The following DACH1 variants were observed in gnomAD, a reference collection of about 807,000 sequenced individuals.
DACH1 encodes dachshund family transcription factor 1, also known as dachshund homolog 1.
In DACH1, 12 loss-of-function variants were observed where a neutral mutation model predicts 54.2. The observed-to-expected ratio is 0.22, with a 90% CI of 0.14 to 0.36. DACH1 has a LOEUF of 0.36. DACH1 is among the 10% of genes least tolerant of loss of function. The pLI, the probability that DACH1 is intolerant of heterozygous loss-of-function variation, is 1.00. For missense variants in DACH1, 805 were observed against 929.8 expected, an observed-to-expected ratio of 0.87 and a Z score of 1.75; for synonymous variants, 386 against 366.2, an observed-to-expected ratio of 1.05 and a Z score of -0.62.
intron 4 of DACH1, among the ~76,000 whole-genome samples, chr13:71,569,237 T>C (rs906996948): frequency 6.6e-6 from 1 of 152,122 alleles, no homozygotes; most frequent in African/African-American, 2.4e-5. Flanking sequence ...CAGTTTTCCA[T>C]AGTCTGAGAT....
chr13:71,590,526 C>T (rs1186197442), intron 3 of DACH1, among the ~76,000 whole-genome samples: 3 of 152,134 alleles, frequency 2.0e-5, no homozygotes, highest in Non-Finnish European at 2.9e-5. Context: ...ATTTGTTATA[C>T]AGTTTGAATG....
chr13:71,762,365 T>A (rs1407310077), intron 1 of DACH1, among the ~76,000 whole-genome samples: 3 of 152,236 alleles, frequency 2.0e-5, no homozygotes, highest in African/African-American at 7.2e-5. Flanking sequence ...CATGTTGGAT[T>A]TACTCTACAA....
intron 1 of DACH1, among the ~76,000 whole-genome samples, chr13:71,724,385 G>A (rs1240022103): frequency 6.6e-6 from 1 of 151,964 alleles, no homozygotes; most frequent in African/African-American, 2.4e-5. Flanking sequence ...ATAATTTACT[G>A]AATGAATAAA....
At chr13:71,687,102 C>T (rs981561451) in intron 1 of DACH1, among the ~76,000 whole-genome samples, 4 of 152,104 alleles carry the variant, frequency 2.6e-5, no homozygotes, top group African/African-American at 9.7e-5. Flanking sequence ...GTTCATTGGC[C>T]CTCTCCGATC....
rs1873938015 is a variant in DACH1 at position 71,440,699 on chromosome 13, A to G, written c.2084-7T>C. On this transcript the variant is annotated splice_region_variant and splice_polypyrimidine_tract_variant and intron_variant, in intron 10 of 10. Coordinates refer to ENST00000613252, the MANE Select transcript of DACH1 (RefSeq NM_080759.6). Reference sequence around the variant, plus strand: ...TTCAAATACAGTCTTCCATCTAGAAATGAACAGTGAAAAATTAATTAATGG... The same window carrying G: ...TTCAAATACAGTCTTCCATCTAGAAGTGAACAGTGAAAAATTAATTAATGG... The G allele has an allele frequency of 1.3e-6, 2 of 1,597,962 alleles. No homozygotes were observed. The highest frequency in any genetic ancestry group is 4.5e-5 in the East Asian group (2 of 44,180).
intron 3 of DACH1, among the ~76,000 whole-genome samples, chr13:71,601,734 CTAAAAG>C (rs1874510012): frequency 6.6e-6 from 1 of 151,828 alleles, no homozygotes; most frequent in South Asian, 2.1e-4. Context: ...AGTTTGTAGT[CTAAAAG>C]TAAAAGATGA....
At chr13:71,580,883 A>G (rs1233185286) in intron 3 of DACH1, among the ~76,000 whole-genome samples, 1 of 152,048 alleles carries the variant, frequency 6.6e-6, no homozygotes, top group Non-Finnish European at 1.5e-5. Context: ...TTTTTACCTC[A>G]GCTGCTGTAA....
At chr13:71,498,843 A>C (rs1347158957) in intron 6 of DACH1, among the ~76,000 whole-genome samples, 1 of 152,108 alleles carries the variant, frequency 6.6e-6, no homozygotes, top group Non-Finnish European at 1.5e-5. Context: ...TATTATGCTC[A>C]AAAAAGAATC....
intron 3 of DACH1, among the ~76,000 whole-genome samples, chr13:71,586,836 C>T (rs1412283810): frequency 6.6e-6 from 1 of 152,066 alleles, no homozygotes; most frequent in Non-Finnish European, 1.5e-5. Flanking sequence ...ATAGGTTTCT[C>T]ACATGTAAAA....
At chr13:71,458,355 A>T (rs1340209400) in intron 10 of DACH1, among the ~76,000 whole-genome samples, 2 of 151,942 alleles carry the variant, frequency 1.3e-5, no homozygotes, top group Admixed American at 6.6e-5. Flanking sequence ...AGACTTACAT[A>T]TCTTGACTTA....
chr13:71,820,942 A>G (rs1566522681), intron 1 of DACH1, among the ~76,000 whole-genome samples: 1 of 152,128 alleles, frequency 6.6e-6, no homozygotes, highest in Non-Finnish European at 1.5e-5. Context: ...AAAACAAAAA[A>G]CCCAAAGTAC....
chr13:71,830,614 A>G (rs1345097642), intron 1 of DACH1, among the ~76,000 whole-genome samples: 1 of 151,770 alleles, frequency 6.6e-6, no homozygotes, highest in Non-Finnish European at 1.5e-5. Flanking sequence ...TGTTTAACCG[A>G]CCAGTCTAAT....
chr13:71,762,768 CAAAAAAA>C (rs34543654), intron 1 of DACH1, among the ~76,000 whole-genome samples: 1 of 71,200 alleles, frequency 1.4e-5, no homozygotes. Context: ...AACTTTGTCT[CAAAAAAA>C]AAAAAAAAAA....
intron 3 of DACH1, among the ~76,000 whole-genome samples, chr13:71,575,763 T>C (rs9599860): frequency 3.3e-5 from 5 of 152,076 alleles, no homozygotes; most frequent in Non-Finnish European, 7.4e-5. Flanking sequence ...CTACATAGAA[T>C]GCTTCTAGCC....
chr13:71,564,647 TG>T (rs1194021191), intron 4 of DACH1, among the ~76,000 whole-genome samples: 2 of 152,064 alleles, frequency 1.3e-5, no homozygotes, highest in Non-Finnish European at 2.9e-5. Context: ...CAGTGTAAAA[TG>T]TTCAGTACTA....
intron 4 of DACH1, among the ~76,000 whole-genome samples, chr13:71,563,784 T>G (rs920259147): frequency 5.3e-5 from 8 of 151,588 alleles, no homozygotes; most frequent in African/African-American, 1.9e-4. Flanking sequence ...TTGCTTTAAT[T>G]GTAGTTTTGT....
chr13:71,836,368 G>C (rs1888783813), intron 1 of DACH1, among the ~76,000 whole-genome samples: 1 of 151,904 alleles, frequency 6.6e-6, no homozygotes, highest in South Asian at 2.1e-4. Context: ...TTCATTTAAT[G>C]TCACCCAAGA....
chr13:71,448,889 A>G (rs987650074), intron 10 of DACH1, among the ~76,000 whole-genome samples: 2 of 150,340 alleles, frequency 1.3e-5, no homozygotes, highest in Non-Finnish European at 3.0e-5. Context: ...TCAAGGTGAG[A>G]GAGGACTAGA....
At chr13:71,768,033 T>C (rs1380229892) in intron 1 of DACH1, among the ~76,000 whole-genome samples, 5 of 151,994 alleles carry the variant, frequency 3.3e-5, no homozygotes, top group Non-Finnish European at 7.4e-5. Context: ...TTATTAGTAG[T>C]ATTAAGAGTA....
Sources: allele counts gnomAD v4.1 joint callset (sites outside exome capture counted in the v4.1 genomes callset), GRCh38; gene constraint gnomAD v4.1.1; transcripts MANE v1.5; gene names NCBI Gene and HGNC (gene_info 2026-07-23, HGNC 2026-07-21).